The following LRFN5 variants were observed in gnomAD, a reference collection of about 807,000 sequenced individuals.
The protein encoded by LRFN5 is leucine-rich repeat and fibronectin type-III domain-containing protein 5.
A neutral mutation model predicts 45.6 loss-of-function variants in LRFN5; 24 were observed. That is an observed-to-expected ratio of 0.53 (90% CI 0.38 to 0.74). The LOEUF (loss-of-function observed/expected upper bound fraction) is 0.74. Among genes scored for constraint, LRFN5 ranks in the 30% least tolerant of loss-of-function variants. LRFN5 has a pLI of 0.00. For synonymous variants in LRFN5, 340 were observed against 313.8 expected, an observed-to-expected ratio of 1.08 and a Z score of -0.88; for missense variants, 776 against 861.5, an observed-to-expected ratio of 0.90 and a Z score of 1.24.
At chr14:41,792,952 A>T (rs1886981150) in intron 2 of LRFN5, among the ~76,000 whole-genome samples, 1 of 148,686 alleles carries the variant, frequency 6.7e-6, no homozygotes, top group African/African-American at 2.5e-5. Flanking sequence ...GAACAATGAG[A>T]ACACATAGAC....
intron 1 of LRFN5, among the ~76,000 whole-genome samples, chr14:41,627,521 A>G (rs559745471): frequency 6.6e-6 from 1 of 152,260 alleles, no homozygotes; most frequent in South Asian, 2.1e-4. Flanking sequence ...ATTAGCAGCT[A>G]TACATTTGAG....
At chr14:41,762,575 C>A (rs976045631) in intron 1 of LRFN5, among the ~76,000 whole-genome samples, 5 of 151,992 alleles carry the variant, frequency 3.3e-5, no homozygotes, top group African/African-American at 1.2e-4. Flanking sequence ...ATATGAATTT[C>A]TGAATAATTA....
At chr14:41,736,950 A>G (rs1208680697) in intron 1 of LRFN5, among the ~76,000 whole-genome samples, 1 of 152,164 alleles carries the variant, frequency 6.6e-6, no homozygotes, top group Admixed American at 6.5e-5. Context: ...ATTCCTTCTG[A>G]AACTATTCCA....
intron 1 of LRFN5, among the ~76,000 whole-genome samples, chr14:41,639,220 T>C (rs1879448074): frequency 6.6e-6 from 1 of 152,114 alleles, no homozygotes; most frequent in African/African-American, 2.4e-5. Context: ...TTTGGCCAGG[T>C]ATCTTGCAAG....
chr14:41,738,086 C>G (rs1189261308), intron 1 of LRFN5, among the ~76,000 whole-genome samples: 1 of 152,168 alleles, frequency 6.6e-6, no homozygotes, highest in Non-Finnish European at 1.5e-5. Flanking sequence ...CATTACCTGA[C>G]TTCAAACTAT....
chr14:41,751,918 C>T (rs757140532), intron 1 of LRFN5, among the ~76,000 whole-genome samples: 21 of 152,070 alleles, frequency 1.4e-4, no homozygotes, highest in South Asian at 2.1e-4. Context: ...TCCCCTCTCC[C>T]GCCAACCCAC....
chr14:41,622,066 T>C (rs1234746086), intron 1 of LRFN5, among the ~76,000 whole-genome samples: 2 of 152,054 alleles, frequency 1.3e-5, no homozygotes, highest in Non-Finnish European at 2.9e-5. Context: ...GAAGAATCAA[T>C]GCACTATTTG....
chr14:41,762,070 T>C (rs1211309056), intron 1 of LRFN5, among the ~76,000 whole-genome samples: 1 of 151,384 alleles, frequency 6.6e-6, no homozygotes, highest in Non-Finnish European at 1.5e-5. Context: ...ACATAGTGAA[T>C]GAGTCATTTC....
chr14:41,703,770 G>A (rs1264942661), intron 1 of LRFN5, among the ~76,000 whole-genome samples: 1 of 152,048 alleles, frequency 6.6e-6, no homozygotes, highest in Non-Finnish European at 1.5e-5. Context: ...GATAGTGTCA[G>A]GTGGTACAAT....
intron 1 of LRFN5, among the ~76,000 whole-genome samples, chr14:41,764,168 T>A (rs1004063132): frequency 6.6e-6 from 1 of 152,218 alleles, no homozygotes; most frequent in South Asian, 2.1e-4. Context: ...TCCTTATGGA[T>A]TTTTTTGAAA....
chr14:41,732,954 A>C (rs1189794636), intron 1 of LRFN5, among the ~76,000 whole-genome samples: 1 of 152,002 alleles, frequency 6.6e-6, no homozygotes, highest in Non-Finnish European at 1.5e-5. Context: ...AAAAAAATTC[A>C]CTAGAGGGAT....
intron 4 of LRFN5, chr14:41,894,972 A>G: frequency 1.0e-6 from 1 of 975,768 alleles, no homozygotes; most frequent in Non-Finnish European, 1.2e-6. Context: ...ATATATACAT[A>G]TATATTATTT....
At chr14:41,863,179 A>G (rs1433519798) in intron 2 of LRFN5, among the ~76,000 whole-genome samples, 3 of 152,154 alleles carry the variant, frequency 2.0e-5, no homozygotes, top group Non-Finnish European at 4.4e-5. Context: ...TCTCTTCTTA[A>G]TCAGTCTTAC....
intron 4 of LRFN5, chr14:41,893,750 T>G (rs1247875227): frequency 3.0e-6 from 3 of 985,242 alleles, no homozygotes; most frequent in Non-Finnish European, 3.6e-6. Flanking sequence ...AGTGCCAGTC[T>G]TGAAAATAAT....
intron 2 of LRFN5, among the ~76,000 whole-genome samples, chr14:41,843,091 T>C (rs1476287644): frequency 6.7e-6 from 1 of 150,126 alleles, no homozygotes; most frequent in Non-Finnish European, 1.5e-5. Context: ...CTTTTCTTTT[T>C]TTTTTTTTTT....
intron 1 of LRFN5, among the ~76,000 whole-genome samples, chr14:41,716,685 G>A (rs756170670): frequency 3.9e-5 from 6 of 152,116 alleles, no homozygotes; most frequent in Non-Finnish European, 8.8e-5. Context: ...TAGGAAGTGC[G>A]AAACTTTTCC....
chr14:41,702,701 G>A (rs1486702734), intron 1 of LRFN5, among the ~76,000 whole-genome samples: 1 of 151,596 alleles, frequency 6.6e-6, no homozygotes, highest in Admixed American at 6.6e-5. Context: ...CTGACCTAGA[G>A]CCATCCTCCT....
At chr14:41,673,609 G>A (rs1203372927) in intron 1 of LRFN5, among the ~76,000 whole-genome samples, 12 of 147,520 alleles carry the variant, frequency 8.1e-5, no homozygotes, top group African/African-American at 2.8e-4. Flanking sequence ...GGGGCGGCTG[G>A]CCGGGCAGGG....
intron 2 of LRFN5, among the ~76,000 whole-genome samples, chr14:41,809,724 CAA>C (rs1324134946): frequency 6.6e-6 from 1 of 151,074 alleles, no homozygotes; most frequent in African/African-American, 2.4e-5. Context: ...TTATGGCAAA[CAA>C]AGAAAGATAT....
Sources: allele counts gnomAD v4.1 joint callset (sites outside exome capture counted in the v4.1 genomes callset), GRCh38; gene constraint gnomAD v4.1.1; transcripts MANE v1.5; gene names NCBI Gene and HGNC (gene_info 2026-07-23, HGNC 2026-07-21).